Variants in CACNG8 observed in about 807,000 individuals in gnomAD.
The protein encoded by CACNG8 is calcium voltage-gated channel auxiliary subunit gamma 8, also known as voltage-dependent calcium channel gamma-8 subunit.
Under a neutral mutation model 26.9 loss-of-function variants are expected in CACNG8, and 5 were observed. That is an observed-to-expected ratio of 0.19 (90% CI 0.10 to 0.39). The LOEUF (loss-of-function observed/expected upper bound fraction) is 0.39. Ranked by LOEUF, CACNG8 falls within the 10% of genes least tolerant of loss-of-function variation. CACNG8 has a pLI of 1.00. For synonymous variants in CACNG8, 321 were observed against 296.7 expected, an observed-to-expected ratio of 1.08 and a Z score of -0.84; for missense variants, 473 against 609.4, an observed-to-expected ratio of 0.78 and a Z score of 2.36.
At chr19:53,964,530 G>A (rs969175192) in intron 1 of CACNG8, among the ~76,000 whole-genome samples, 3 of 151,754 alleles carry the variant, frequency 2.0e-5, no homozygotes, top group East Asian at 1.9e-4. Flanking sequence ...TTCCTGACTC[G>A]ATGCCTCAGG....
rs1378439114 is a variant in CACNG8 at position 53,982,669 on chromosome 19, C to G, written c.1098C>G (p.Leu366=). The G allele has an allele frequency of 6.4e-6, 7 of 1,095,802 alleles. No homozygotes were observed. The highest frequency in any genetic ancestry group is 7.7e-6 in the Non-Finnish European group (7 of 903,232). 67.9% of individuals were successfully genotyped at this position (1,095,802 alleles called of 1,614,324 possible). The change falls in exon 4 of 4, where the codon CTC becomes CTG. Residue 366 remains leucine, a synonymous_variant. Transcript: ENST00000270458. This position sits in a 1 kb window ranked among gnomAD's most constrained non-coding sequence, Gnocchi z 8.4. ...ACCGCGGGGGGGCGTCCGGCTTCCTCACGCTGCACAACGCCTTCCCCAAGG... is the reference window on the plus strand; with the variant it reads ...ACCGCGGGGGGGCGTCCGGCTTCCTGACGCTGCACAACGCCTTCCCCAAGG...
chr19:53,975,442 C>T (rs2069325428), intron 1 of CACNG8, among the ~76,000 whole-genome samples: 1 of 152,014 alleles, frequency 6.6e-6, no homozygotes, highest in African/African-American at 2.4e-5. Flanking sequence ...TGCAGTGGCG[C>T]GATCTCAGCG....
At chr19:53,968,495 CGCGGTG>C (rs1405332519) in intron 1 of CACNG8, among the ~76,000 whole-genome samples, 2 of 151,660 alleles carry the variant, frequency 1.3e-5, no homozygotes, top group African/African-American at 4.8e-5. Context: ...GATGGCCGGG[CGCGGTG>C]GCTCACGCCT....
At chr19:53,968,768 CAAA>C (rs34461203) in intron 1 of CACNG8, among the ~76,000 whole-genome samples, 4,354 of 49,730 alleles carry the variant, frequency 0.088, 49 homozygotes, top group East Asian at 0.12. Flanking sequence ...GACTCTATCT[CAAA>C]AAAAAAAAAA....
At chr19:53,981,757 G>C (rs1470543181) in intron 3 of CACNG8, among the ~76,000 whole-genome samples, 2 of 152,144 alleles carry the variant, frequency 1.3e-5, no homozygotes, top group Non-Finnish European at 2.9e-5. Context: ...ACACCACCTG[G>C]GGGATGGAGT....
intron 1 of CACNG8, among the ~76,000 whole-genome samples, chr19:53,977,865 G>C (rs1245425724): frequency 6.6e-6 from 1 of 152,202 alleles, no homozygotes; most frequent in Non-Finnish European, 1.5e-5. Flanking sequence ...CAGCTTACAG[G>C]ACCAAGGTCC....
chr19:53,989,741 C>T lies in CACNG8; in HGVS notation c.*6892C>T, dbSNP rs995381655. The T allele has an allele frequency of 3.3e-5, 5 of 152,380 alleles. No individual in the cohort carries two copies. The highest frequency in any genetic ancestry group is 1.2e-4 in the African/African-American group (5 of 41,448). The allele number at this position is 152,380 out of a possible 1,614,324, so 9.4% of individuals were successfully genotyped here. A position where few individuals can be genotyped will look rare whatever the true frequency, so the allele number is the denominator to read the frequency against. ...TCACTCCATCTGGTCATTCCTTTGCCCATTCATCCATCCATTCATTCAAGT... is the reference window on the plus strand; with the variant it reads ...TCACTCCATCTGGTCATTCCTTTGCTCATTCATCCATCCATTCATTCAAGT... On this transcript the variant is annotated 3_prime_UTR_variant, in exon 4 of 4. Coordinates refer to ENST00000270458, the MANE Select transcript of CACNG8 (RefSeq NM_031895.6).
At chr19:53,979,705 A>G (rs1277793400) in intron 2 of CACNG8, among the ~76,000 whole-genome samples, 162 bp from the exon 3 acceptor site, 1 of 152,086 alleles carries the variant, frequency 6.6e-6, no homozygotes, top group Non-Finnish European at 1.5e-5. Flanking sequence ...AAAACAGGAG[A>G]GAGAATGAGG....
Position 53,963,322 on chromosome 19 carries a change from C to T in CACNG8, c.180C>T (p.Gly60=), listed in dbSNP as rs757896358. The T allele has an allele frequency of 1.2e-6, 2 of 1,602,736 alleles. No homozygotes were observed. The highest frequency in any genetic ancestry group is 1.1e-5 in the South Asian group (1 of 90,716). Residue 60 remains glycine, a synonymous_variant, in exon 1 of 4, where the codon GGC becomes GGT. Coordinates refer to ENST00000270458, the MANE Select transcript of CACNG8 (RefSeq NM_031895.6). ...GCAACACCACCAACCTCACGGCCGGCGGCGACGACGGGACCCCCCACCGCG... is the reference window on the plus strand; with the variant it reads ...GCAACACCACCAACCTCACGGCCGGTGGCGACGACGGGACCCCCCACCGCG...
chr19:53,982,426 G>A lies in CACNG8; in HGVS notation c.855G>A (p.Pro285=), dbSNP rs1448926015. The A allele has an allele frequency of 8.6e-6, 13 of 1,519,628 alleles. 1 individual carries two copies. The highest frequency in any genetic ancestry group is 2.1e-4 in the Middle Eastern group (1 of 4,708). 94.1% of individuals were successfully genotyped at this position (1,519,628 alleles called of 1,614,324 possible). ...GCTCCCGCTCCAGCGAGCCGTCGCC[G>A]TCGCGGGACGCGTCTCCCGGCGGCC... The change falls in exon 4 of 4, where the codon CCG becomes CCA. Residue 285 remains proline, a synonymous_variant. Transcript: ENST00000270458. This position sits in a 1 kb window ranked among gnomAD's most constrained non-coding sequence, Gnocchi z 8.4.
intron 2 of CACNG8, among the ~76,000 whole-genome samples, chr19:53,979,301 G>A (rs2069349965): frequency 6.6e-6 from 1 of 151,228 alleles, no homozygotes; most frequent in African/African-American, 2.4e-5. Flanking sequence ...AATAAAACTG[G>A]GTGGGGTGGG....
rs778044197 is a variant in CACNG8, at chr19:53,982,791, C to T, written c.1220C>T (p.Ala407Val). The T allele has an allele frequency of 4.4e-5, 60 of 1,364,798 alleles. No homozygotes were observed. Among genetic ancestry groups the T allele is most frequent in the Admixed American group, 2.5e-4 (9 of 35,718 alleles). The allele number at this position is 1,364,798 out of a possible 1,614,324, so 84.5% of individuals were successfully genotyped here. The change falls in exon 4 of 4, where the codon GCC becomes GTC. Residue 407 changes from alanine (A) to valine (V), a missense_variant. Ala to Val is a moderately conservative substitution (Grantham distance 64, BLOSUM62 0). Coordinates refer to ENST00000270458, the MANE Select transcript of CACNG8 (RefSeq NM_031895.6). This position sits in a 1 kb window ranked among gnomAD's most constrained non-coding sequence, Gnocchi z 8.4. ...TCTGCGCCCGCCCCCGGGACCCTGG[C>T]CAAGGAGGCCGCCGCCTCCAACACC...
chr19:53,975,640 A>G (rs1364174860), intron 1 of CACNG8, among the ~76,000 whole-genome samples: 4 of 152,124 alleles, frequency 2.6e-5, no homozygotes, highest in South Asian at 2.1e-4. Flanking sequence ...TGGTCTCCCA[A>G]ATGGCTACGA....
chr19:53,972,361 C>CTTTTTTTTTTT (rs577196456), intron 1 of CACNG8, among the ~76,000 whole-genome samples: 4 of 106,286 alleles, frequency 3.8e-5, no homozygotes, highest in East Asian at 2.7e-4. Flanking sequence ...TTCTTCTTTT[C>CTTTTTTTTTTT]TTTTTTTTTT....
chr19:53,978,353 C>T (rs928819461), intron 2 of CACNG8, 124 bp downstream of exon 2: 12 of 693,704 alleles, frequency 1.7e-5, no homozygotes, highest in Non-Finnish European at 3.1e-5. Context: ...CGAGGTTAGC[C>T]TCCCAGCCAA....
At chr19:53,969,930 G>A (rs977266326) in intron 1 of CACNG8, among the ~76,000 whole-genome samples, 1 of 151,830 alleles carries the variant, frequency 6.6e-6, no homozygotes, top group African/African-American at 2.4e-5. Flanking sequence ...CCAGGAGTTC[G>A]AGACCAGCCT....
In CACNG8 at chr19:53,982,949, A is replaced by G; in HGVS notation, c.*100A>G. 1.3e-6 allele frequency: 1 copy of G among 782,602 alleles called. No homozygotes were observed. Among genetic ancestry groups the G allele is most frequent in the Non-Finnish European group, 1.7e-6 (1 of 604,318 alleles). The allele number at this position is 782,602 out of a possible 1,614,324, so 48.5% of individuals were successfully genotyped here. ...GGGGGCGCCCCCGCTTTCCCCCGTG[A>G]GCGCGCTGGAGACTGCTGGGCCCGC... On this transcript the variant is annotated 3_prime_UTR_variant, in exon 4 of 4. Transcript: ENST00000270458. This position sits in a 1 kb window ranked among gnomAD's most constrained non-coding sequence, Gnocchi z 8.4.
At position 53,982,694 on chromosome 19, in the gene CACNG8, G is replaced by A. The variant is rs2145942902; in HGVS notation, c.1123G>A (p.Glu375Lys). The A allele has an allele frequency of 8.8e-7, 1 of 1,140,700 alleles. No homozygotes were observed. Among genetic ancestry groups the A allele is most frequent in the East Asian group, 4.7e-5 (1 of 21,462 alleles). The allele number at this position is 1,140,700 out of a possible 1,614,324, so 70.7% of individuals were successfully genotyped here. A position where few individuals can be genotyped will look rare whatever the true frequency, so the allele number is the denominator to read the frequency against. Reference sequence around the variant, plus strand: ...CACGCTGCACAACGCCTTCCCCAAGGAGGCGGGCGGCGGCGTCACGGTCAC... The same window carrying A: ...CACGCTGCACAACGCCTTCCCCAAGAAGGCGGGCGGCGGCGTCACGGTCAC... The change falls in exon 4 of 4, where the codon GAG becomes AAG. Residue 375 changes from glutamate (E) to lysine (K), a missense_variant. Glu to Lys is a moderately conservative substitution (Grantham distance 56). Transcript: ENST00000270458. This position sits in a 1 kb window ranked among gnomAD's most constrained non-coding sequence, Gnocchi z 8.4.
At chr19:53,966,004 GGC>G (rs2069270316) in intron 1 of CACNG8, among the ~76,000 whole-genome samples, 1 of 152,134 alleles carries the variant, frequency 6.6e-6, no homozygotes, top group South Asian at 2.1e-4. Context: ...CAGAGTGGGT[GGC>G]GGAGAACGTA....
Sources: allele counts gnomAD v4.1 joint callset (sites outside exome capture counted in the v4.1 genomes callset), GRCh38; gene constraint gnomAD v4.1.1; non-coding constraint Gnocchi (gnomAD v3.1); transcripts MANE v1.5; gene names NCBI Gene and HGNC (gene_info 2026-07-23, HGNC 2026-07-21).